MMAB: variants seen among roughly 807,000 people sequenced by gnomAD.
MMAB encodes metabolism of cobalamin associated B, also known as corrinoid adenosyltransferase MMAB.
A neutral mutation model predicts 30.6 loss-of-function variants in MMAB; 17 were observed. The ratio of observed to expected loss-of-function variants is 0.56; its 90% CI spans 0.38 to 0.83. The LOEUF is 0.83. Among genes scored for constraint, MMAB ranks in the 40% least tolerant of loss-of-function variants. The probability of loss-of-function intolerance (pLI) is 0.00; values close to 1 mark genes in which losing one functional copy is unlikely to be tolerated. For missense variants in MMAB, 311 were observed against 331.6 expected (o/e 0.94, Z 0.48); for synonymous variants, 134 against 138.6 (o/e 0.97, Z 0.23).
At chr12:109,571,823 C>A in intron 1 of MMAB, 113 bp from the exon 2 acceptor site, 1 of 815,014 alleles carries the variant, frequency 1.2e-6, no homozygotes, top group South Asian at 1.4e-5. Context: ...GCACTTACCC[C>A]TTACTGCTTA....
chr12:109,563,754 C>T (rs1045641494), intron 4 of MMAB, among the ~76,000 whole-genome samples: 1 of 152,246 alleles, frequency 6.6e-6, no homozygotes, highest in African/African-American at 2.4e-5. Flanking sequence ...CTTCCTCCTG[C>T]AGCCACAGCC....
rs886048927 is a variant in MMAB, at chr12:109,559,147, G to A, written c.593C>T (p.Pro198Leu). The change falls in exon 8 of 9, where the codon CCT becomes CTT. Residue 198 changes from proline to leucine, a missense_variant. Physicochemically the swap from Pro to Leu is moderately conservative, Grantham distance 98. Transcript: ENST00000545712. ...VCRRAERRVVPLVQMGETDAN... is the reference protein window; with the variant it reads ...VCRRAERRVVLLVQMGETDAN... The stretch of plus-strand genomic sequence containing the variant: ...ATCGGTCTCTCCCATCTGGACAAGA[G>A]GCACCACACTAGAAAGGGAGGAGAC... The A allele has an allele frequency of 3.7e-6, 6 of 1,613,472 alleles. No homozygotes were observed. Among genetic ancestry groups the A allele is most frequent in the Admixed American group, 1.7e-5 (1 of 59,996 alleles).
rs1415473633 is a variant in MMAB at position 109,566,398 on chromosome 12, C to T, written c.291-1222G>A. Among the ~76,000 whole-genome samples, 21 of 152,244 alleles carry T rather than the reference C, an allele frequency of 1.4e-4. 1 individual carries two copies. Among genetic ancestry groups the T allele is most frequent in the Admixed American group, 1.4e-3 (21 of 15,288 alleles). The stretch of plus-strand genomic sequence containing the variant: ...CATCTTACAGTTAGAACTAAACACA[C>T]CAGTATGTGATTCCCGTCTGGTGTG... On this transcript the variant is annotated intron_variant, in intron 3 of 8. Coordinates refer to ENST00000545712, the MANE Select transcript of MMAB (RefSeq NM_052845.4).
intron 4 of MMAB, among the ~76,000 whole-genome samples, chr12:109,563,571 C>T (rs1884293063): frequency 6.6e-6 from 1 of 152,216 alleles, no homozygotes; most frequent in Non-Finnish European, 1.5e-5. Context: ...TGTGGAAATC[C>T]AGGAGCAGTG....
chr12:109,563,711 C>A (rs1439562358), intron 4 of MMAB, among the ~76,000 whole-genome samples: 1 of 152,230 alleles, frequency 6.6e-6, no homozygotes, highest in East Asian at 1.9e-4. Flanking sequence ...TGAAAGCCTT[C>A]CTCCACCACA....
chr12:109,559,393 G>A (rs891301697), intron 7 of MMAB, among the ~76,000 whole-genome samples: 2 of 152,180 alleles, frequency 1.3e-5, no homozygotes, highest in Admixed American at 1.3e-4. Flanking sequence ...GATGGCTGGT[G>A]AGTTGAGGGA....
Position 109,555,594 on chromosome 12 carries a change from G to T in MMAB, c.*1434C>A, listed in dbSNP as rs183383184. ...CTCTGTTTTGCAAACACTGAGCACC[G>T]ACTCCGTACCAGACCTGGTAGTGAC... On this transcript the variant is annotated 3_prime_UTR_variant, in exon 9 of 9. Coordinates refer to ENST00000545712, the MANE Select transcript of MMAB (RefSeq NM_052845.4). 3 of 451,240 alleles carry T rather than the reference G, an allele frequency of 6.6e-6. No individual in the cohort carries two copies. In the East Asian group the frequency reaches 2.1e-4, roughly 31 times the overall value. 28.0% of individuals were successfully genotyped at this position (451,240 alleles called of 1,614,324 possible).
Position 109,553,733 on chromosome 12 carries a change from G to A in MMAB, c.*3295C>T, listed in dbSNP as rs144430513. 1.3e-3 allele frequency: 535 copies of A among 402,604 alleles called. 9 individuals carry two copies. Among genetic ancestry groups the A allele is most frequent in the African/African-American group, 9.4e-3 (458 of 48,534 alleles). 24.9% of individuals were successfully genotyped at this position (402,604 alleles called of 1,614,324 possible). ...GCACTGATTTATGTAGCATTCATGC[G>A]GAATTTATTATACAAAGAATTTTAT... On this transcript the variant is annotated 3_prime_UTR_variant, in exon 9 of 9. Transcript: ENST00000545712.
At chr12:109,565,662 G>T (rs942820220) in intron 3 of MMAB, among the ~76,000 whole-genome samples, 7 of 152,210 alleles carry the variant, frequency 4.6e-5, no homozygotes, top group Non-Finnish European at 1.0e-4. Flanking sequence ...ATATTCAGGA[G>T]TGTGATAGGT....
intron 7 of MMAB, among the ~76,000 whole-genome samples, chr12:109,560,758 T>A (rs1884160863): frequency 6.6e-6 from 1 of 152,208 alleles, no homozygotes; most frequent in Admixed American, 6.5e-5. Context: ...TCTGATAGTC[T>A]ATTTGGTCAC....
chr12:109,561,246 G>A lies in MMAB; in HGVS notation c.520-142C>T, dbSNP rs548847224. On this transcript the variant is annotated intron_variant, in intron 6 of 8. Coordinates refer to ENST00000545712, the MANE Select transcript of MMAB (RefSeq NM_052845.4). The surrounding 1 kb of genome is among the most constrained non-coding windows in gnomAD (Gnocchi z 5.3). ...AGCCCTGCCACGGCACACCCACCGG[G>A]CACGCTGCTCCAGAGTGGGCAGGGC... 3.8e-6 allele frequency: 6 copies of A among 1,589,900 alleles called. No individual in the cohort carries two copies. The highest frequency in any genetic ancestry group is 3.4e-5 in the Admixed American group (2 of 58,572).
rs1162706822 is a variant in MMAB at position 109,555,064 on chromosome 12, T to G, written c.*1964A>C. 1 of 453,986 alleles carries G rather than the reference T, an allele frequency of 2.2e-6. No individual in the cohort carries two copies. Among genetic ancestry groups the G allele is most frequent in the Admixed American group, 2.3e-5 (1 of 42,558 alleles). 28.1% of individuals were successfully genotyped at this position (453,986 alleles called of 1,614,324 possible). The stretch of plus-strand genomic sequence containing the variant: ...CGGCCTTGTTTCAAAGATTGTCACT[T>G]TAGGATGTTGTATTTACTCAAAAAG... On this transcript the variant is annotated 3_prime_UTR_variant, in exon 9 of 9. Coordinates refer to ENST00000545712, the MANE Select transcript of MMAB (RefSeq NM_052845.4).
intron 1 of MMAB, 63 bp downstream of exon 1, chr12:109,573,284 C>T (rs1331855157): frequency 4.4e-6 from 7 of 1,605,308 alleles, no homozygotes; most frequent in Non-Finnish European, 6.0e-6. Flanking sequence ...TGTGACGTAC[C>T]CATGGCGACG....
intron 2 of MMAB, 41 bp from the exon 3 acceptor site, chr12:109,568,904 T>C (rs751743720): frequency 6.9e-7 from 1 of 1,438,910 alleles, no homozygotes; most frequent in African/African-American, 1.4e-5. Flanking sequence ...TAAGATTCTG[T>C]TTTCCTGATA....
chr12:109,568,915 T>A (rs752703985), intron 2 of MMAB, 52 bp from the exon 3 acceptor site: 3 of 1,295,202 alleles, frequency 2.3e-6, no homozygotes, highest in Non-Finnish European at 3.4e-6. Flanking sequence ...TTTCCTGATA[T>A]GCTGTTTTTT....
chr12:109,553,767 A>G lies in MMAB; in HGVS notation c.*3261T>C. On this transcript the variant is annotated 3_prime_UTR_variant, in exon 9 of 9. Coordinates refer to ENST00000545712, the MANE Select transcript of MMAB (RefSeq NM_052845.4). ...TATACAAAGAATTTTATTCAATTAA[A>G]CTTGAAATGCATCTGGATTCTTAAA... 1 of 428,206 alleles carries G rather than the reference A, an allele frequency of 2.3e-6. No homozygotes were observed. Among genetic ancestry groups the G allele is most frequent in the East Asian group, 7.2e-5 (1 of 13,924 alleles). The allele number at this position is 428,206 out of a possible 1,614,324, so 26.5% of individuals were successfully genotyped here.
intron 3 of MMAB, chr12:109,568,474 A>G (rs1884517582): frequency 1.9e-6 from 1 of 537,454 alleles, no homozygotes; most frequent in South Asian, 2.0e-5. Flanking sequence ...TTCACTCAGT[A>G]TACTAACCTC....
chr12:109,573,181 G>A, intron 1 of MMAB, 166 bp downstream of exon 1: 2 of 826,028 alleles, frequency 2.4e-6, no homozygotes, highest in East Asian at 5.3e-5. Context: ...AAGACTACCT[G>A]GTCTCTGGCG....
At chr12:109,572,007 C>G (rs574315941) in intron 1 of MMAB, among the ~76,000 whole-genome samples, 2 of 152,256 alleles carry the variant, frequency 1.3e-5, no homozygotes, top group East Asian at 3.9e-4. Context: ...TTGCCATTGT[C>G]CCTGCACTGT....
Sources: gnomAD v4.1 joint callset for allele counts (sites outside exome capture counted in the v4.1 genomes callset) on GRCh38, gnomAD v4.1.1 for gene constraint, Gnocchi (gnomAD v3.1) non-coding constraint, MANE v1.5 for transcripts, NCBI Gene and HGNC (gene_info 2026-07-23, HGNC 2026-07-21) for gene names.